Variants in FKBP6 observed in about 807,000 individuals in gnomAD.
FKBP6 encodes the protein FKBP prolyl isomerase family member 6 (inactive).
A neutral mutation model predicts 41.7 loss-of-function variants in FKBP6; 29 were observed. The ratio of observed to expected loss-of-function variants is 0.70; its 90% confidence interval spans 0.52 to 0.95. FKBP6 has a LOEUF of 0.95. Ranked by LOEUF, FKBP6 falls within the 40% of genes least tolerant of loss-of-function variation. The pLI is 0.00. For missense variants in FKBP6, 338 were observed against 408.7 expected, an observed-to-expected ratio of 0.83 and a Z score of 1.49; for synonymous variants, 130 against 165.1, an observed-to-expected ratio of 0.79 and a Z score of 1.63.
rs1460162172 is a variant in FKBP6 at position 73,357,223 on chromosome 7, T to C, written c.*3-958T>C. ...GCTGACTTTGGCTGAGCTGTATTTT[T>C]TTCTTATCATGTTATGGAAATGTTT... On this transcript the variant is annotated intron_variant, in intron 8 of 8. Coordinates refer to ENST00000252037, the MANE Select transcript of FKBP6 (RefSeq NM_003602.5). 1.1e-4 allele frequency among the ~76,000 whole-genome samples: 17 copies of C among 152,252 alleles called. No homozygotes were observed. The East Asian group carries it at 3.3e-3, about 29-fold the overall frequency.
intron 8 of FKBP6, among the ~76,000 whole-genome samples, chr7:73,357,972 G>A (rs1805681300): frequency 6.7e-6 from 1 of 148,266 alleles, no homozygotes; most frequent in South Asian, 2.2e-4. Context: ...GGGTGACAGA[G>A]TAAGGCTCTG....
intron 3 of FKBP6, 58 bp downstream of exon 3, chr7:73,329,507 GA>G: frequency 8.6e-6 from 9 of 1,041,368 alleles, no homozygotes; most frequent in South Asian, 1.3e-5. Context: ...GATGAGGCAC[GA>G]TGCCTCAGGC....
intron 5 of FKBP6, among the ~76,000 whole-genome samples, chr7:73,332,334 T>G (rs1369685752): frequency 2.0e-5 from 3 of 151,650 alleles, no homozygotes; most frequent in Non-Finnish European, 2.9e-5. Context: ...AAATACAAAA[T>G]TAGCCGGGCG....
At chr7:73,331,916 T>C (rs1554547762) in intron 5 of FKBP6, 140 bp downstream of exon 5, 1 of 817,006 alleles carries the variant, frequency 1.2e-6, no homozygotes. Context: ...CAGGCTGGAG[T>C]GCAGTGGCGC....
intron 7 of FKBP6, 87 bp from the exon 8 acceptor site, chr7:73,342,720 C>A: frequency 1.1e-6 from 1 of 918,826 alleles, no homozygotes; most frequent in Non-Finnish European, 1.8e-6. Flanking sequence ...TTCAGTGTTT[C>A]TGGATGTGAG....
intron 5 of FKBP6, among the ~76,000 whole-genome samples, chr7:73,340,034 A>G (rs6957049): frequency 0.14 from 20,808 of 152,244 alleles, 1,631 homozygotes; most frequent in East Asian, 0.28. Context: ...TTGTCTTCCA[A>G]TTAATGAACA....
intron 8 of FKBP6, among the ~76,000 whole-genome samples, chr7:73,344,559 C>A (rs538110882): frequency 1.3e-5 from 2 of 151,474 alleles, no homozygotes; most frequent in Non-Finnish European, 2.9e-5. Context: ...AAAATCCAGT[C>A]ATCTTGACAA....
At chr7:73,345,442 A>G (rs1323969663) in intron 8 of FKBP6, among the ~76,000 whole-genome samples, 1 of 151,958 alleles carries the variant, frequency 6.6e-6, no homozygotes, top group African/African-American at 2.4e-5. Context: ...CTGTACCCTA[A>G]AAGTCCCTCC....
intron 8 of FKBP6, among the ~76,000 whole-genome samples, chr7:73,350,722 G>A (rs1449303358): frequency 1.3e-5 from 2 of 152,156 alleles, no homozygotes; most frequent in Non-Finnish European, 2.9e-5. Context: ...GGTTGGTCGA[G>A]ATTCTGGGAT....
chr7:73,328,757 C>A lies in FKBP6; in HGVS notation c.175+65C>A, dbSNP rs1804726219. On this transcript the variant is annotated intron_variant, in intron 2 of 8. Coordinates refer to ENST00000252037, the MANE Select transcript of FKBP6 (RefSeq NM_003602.5). The stretch of plus-strand genomic sequence containing the variant: ...CGCACTCTGTTGGGAAGAGAGAGGC[C>A]TCATTTTCAAAAAGCACTTAATGGG... 3 of 1,611,198 alleles carry A rather than the reference C, an allele frequency of 1.9e-6. No individual in the cohort carries two copies. In the South Asian group the frequency reaches 3.3e-5, roughly 18 times the overall value.
At chr7:73,340,613 G>C in intron 5 of FKBP6, 25 bp from the exon 6 acceptor site, 2 of 1,601,036 alleles carry the variant, frequency 1.2e-6, no homozygotes, top group African/African-American at 2.7e-5. Context: ...TACTCCTCTT[G>C]ACCATCTGCC....
chr7:73,352,637 C>A (rs1805523220), intron 8 of FKBP6, among the ~76,000 whole-genome samples: 1 of 152,124 alleles, frequency 6.6e-6, no homozygotes, highest in Non-Finnish European at 1.5e-5. Context: ...CAGCCACCGA[C>A]CCAGGGTGAA....
chr7:73,354,893 C>A (rs1805585747), intron 8 of FKBP6, among the ~76,000 whole-genome samples: 1 of 152,136 alleles, frequency 6.6e-6, no homozygotes, highest in South Asian at 2.1e-4. Context: ...AGGGCTGGCA[C>A]ACGACACCCA....
chr7:73,336,325 G>A (rs1328086989), intron 5 of FKBP6, among the ~76,000 whole-genome samples: 1 of 152,192 alleles, frequency 6.6e-6, no homozygotes, highest in African/African-American at 2.4e-5. Flanking sequence ...TCAGGCCACA[G>A]TTGGTAGATT....
At chr7:73,341,642 C>G (rs1805193778) in intron 7 of FKBP6, among the ~76,000 whole-genome samples, 1 of 149,612 alleles carries the variant, frequency 6.7e-6, no homozygotes, top group African/African-American at 2.5e-5. Context: ...TAAACAACCC[C>G]TAGAGAGGTG....
chr7:73,337,303 C>T (rs1805034371), intron 5 of FKBP6, among the ~76,000 whole-genome samples: 2 of 148,892 alleles, frequency 1.3e-5, no homozygotes, highest in Admixed American at 1.4e-4. Context: ...CCAGTTCTTC[C>T]ATGTTCTTTT....
At chr7:73,329,843 G>A (rs189935777) in intron 3 of FKBP6, 61 of 531,436 alleles carry the variant, frequency 1.1e-4, no homozygotes, top group Admixed American at 2.2e-4. Context: ...TGGTAGAATC[G>A]GATGAGTGCC....
chr7:73,343,812 C>T (rs7802062), intron 8 of FKBP6, among the ~76,000 whole-genome samples: 18,989 of 152,212 alleles, frequency 0.12, 1,316 homozygotes, highest in Middle Eastern at 0.18. Flanking sequence ...TCGGAGAAGT[C>T]AAACAAGGAA....
chr7:73,331,519 A>G lies in FKBP6; in HGVS notation c.469-138A>G, dbSNP rs114424670. ...TAACACTTCCTTTCTTTCAATTACT[A>G]TTTTTTTAAATGGAGACATGTTCTC... is the stretch of plus-strand genomic sequence containing the variant. On this transcript the variant is annotated intron_variant, in intron 4 of 8. Transcript: ENST00000252037. 1.6e-3 allele frequency: 1,262 copies of G among 810,080 alleles called. 17 individuals carry two copies. The African/African-American group carries it at 0.02, about 13-fold the overall frequency. The allele number at this position is 810,080 out of a possible 1,614,324, so 50.2% of individuals were successfully genotyped here.
Sources: gnomAD v4.1 joint callset for allele counts (sites outside exome capture counted in the v4.1 genomes callset) on GRCh38, gnomAD v4.1.1 for gene constraint, MANE v1.5 for transcripts, NCBI Gene and HGNC (gene_info 2026-07-23, HGNC 2026-07-21) for gene names.